The following PRR12 variants were observed in gnomAD, a reference collection of about 807,000 sequenced individuals.
PRR12 encodes the protein proline rich 12.
Under a neutral mutation model 138.0 loss-of-function variants are expected in PRR12, and 12 were observed. The ratio of observed to expected loss-of-function variants is 0.09; its 90% confidence interval spans 0.06 to 0.14. PRR12 has a LOEUF of 0.14. Among genes scored for constraint, PRR12 ranks in the 10% least tolerant of loss-of-function variants. PRR12 has a pLI of 1.00. For missense variants in PRR12, 2,692 were observed against 2,861.3 expected (o/e 0.94, Z 1.35); for synonymous variants, 1,567 against 1,291.7 (o/e 1.21, Z -4.57).
rs1281138564 is a variant in PRR12, at chr19:49,594,458, C to T, written c.204C>T (p.Leu68=). 8 of 1,603,456 alleles carry T rather than the reference C, an allele frequency of 5.0e-6. No homozygotes were observed. The highest frequency in any genetic ancestry group is 6.0e-6 in the Non-Finnish European group (7 of 1,175,514). The change falls in exon 3 of 14, where the codon CTC becomes CTT. Residue 68 remains leucine, a synonymous_variant. Coordinates refer to ENST00000418929, the MANE Select transcript of PRR12 (RefSeq NM_020719.3). The surrounding 1 kb of genome is among the most constrained non-coding windows in gnomAD (Gnocchi z 5.6). ...ATAACCCCTGTCCCCGGCCAGGCCT[C>T]TCTGGACTCTTCGACACTGGCCTCC... ...SYATNHHPAG[L]SGLFDTGLHH...
chr19:49,612,812 G>A (rs146044454), intron 6 of PRR12, among the ~76,000 whole-genome samples: 2,875 of 151,914 alleles, frequency 0.019, 90 homozygotes, highest in African/African-American at 0.066. Flanking sequence ...GTACAGGCAC[G>A]CACTACCACA....
In PRR12 at chr19:49,594,851, C is replaced by A. The variant is rs760049013; in HGVS notation, c.516C>A (p.Asp172Glu). The A allele has an allele frequency of 8.1e-6, 13 of 1,611,178 alleles. No individual in the cohort carries two copies. Among genetic ancestry groups the A allele is most frequent in the Middle Eastern group, 1.6e-4 (1 of 6,080 alleles). ...TGCCCTCGTCCCTCAGCCTCCAGGA[C>A]CCCCCATTCAGCCCTCCAGCTAACG... The part of the protein sequence containing the change: ...FPVPSSLSLQ[D>E]PPFSPPANGL... Residue 172 changes from aspartate (D) to glutamate (E), a missense_variant, in exon 4 of 14, where the codon GAC (aspartate) becomes GAA (glutamate). By Grantham distance (45) the Asp-to-Glu change is conservative (BLOSUM62 2). Around this residue, in one of 11 missense-constraint regions of PRR12, gnomAD observed 211 missense variants for 266.3 expected, o/e 0.79. Transcript: ENST00000418929. This position sits in a 1 kb window ranked among gnomAD's most constrained non-coding sequence, Gnocchi z 5.6.
intron 11 of PRR12, among the ~76,000 whole-genome samples, chr19:49,624,298 GGTGGTTA>G (rs2080942251): frequency 6.9e-6 from 1 of 145,886 alleles, no homozygotes; most frequent in African/African-American, 2.6e-5. Context: ...TTCTGGGGTA[GGTGGTTA>G]GGATGGTGCT....
At position 49,618,382 on chromosome 19, in the gene PRR12, CCTTTT is replaced by C. The variant is rs544366837; in HGVS notation, c.5498-1959_5498-1955del. ...CCCAGGAGCCATCCTCACCTCTTTT[CCTTTT>C]CTTTTCTTTTTTTTTTGAGACAGAG... On this transcript the variant is annotated intron_variant, in intron 9 of 13. Transcript: ENST00000418929. 3.5e-3 allele frequency among the ~76,000 whole-genome samples: 535 copies of C among 151,970 alleles called. 3 individuals are homozygous for C. The highest frequency in any genetic ancestry group is 0.012 in the African/African-American group (513 of 41,474).
intron 6 of PRR12, among the ~76,000 whole-genome samples, chr19:49,609,221 C>G (rs567374860): frequency 6.6e-6 from 1 of 152,228 alleles, no homozygotes; most frequent in Non-Finnish European, 1.5e-5. Flanking sequence ...AGGCTGATCA[C>G]CGGAGTTTGA....
Position 49,594,547 on chromosome 19 carries a change from G to C in PRR12, c.293G>C (p.Arg98Pro). The change falls in exon 3 of 14, where the codon CGG (arginine) becomes CCG (proline). Residue 98 changes from arginine to proline, a missense_variant. Coordinates refer to ENST00000418929, the MANE Select transcript of PRR12 (RefSeq NM_020719.3). This position sits in a 1 kb window ranked among gnomAD's most constrained non-coding sequence, Gnocchi z 5.6. ...AACCTTATCTCGGCCCTGGAATCCC[G>C]GGGCCCCCAGCCTGGCCCCTCCGCC... ...VMNLISALES[R>P]GPQPGPSASS... The C allele has an allele frequency of 6.2e-7, 1 of 1,612,396 alleles. No individual in the cohort carries two copies. Among genetic ancestry groups the C allele is most frequent in the Non-Finnish European group, 8.5e-7 (1 of 1,179,244 alleles).
chr19:49,596,236 A>C lies in PRR12; in HGVS notation c.1901A>C (p.Glu634Ala), dbSNP rs779941099. Residue 634 changes from glutamate to alanine, a missense_variant, in exon 4 of 14, where the codon GAG becomes GCG. Physicochemically the swap from Glu to Ala is moderately radical, Grantham distance 107 (BLOSUM62 -1). Coordinates refer to ENST00000418929, the MANE Select transcript of PRR12 (RefSeq NM_020719.3). The surrounding 1 kb of genome is among the most constrained non-coding windows in gnomAD (Gnocchi z 5.6). ...GCGGGCCCAGGTGGGCCTCCTGCGG[A>C]GCGCACAGAGGATGAGGAGTTCCTT... ...LLAGPGGPPAERTEDEEFLIQ... is the reference protein window; with the variant it reads ...LLAGPGGPPAARTEDEEFLIQ... 6.2e-7 allele frequency: 1 copy of C among 1,610,964 alleles called. No individual in the cohort carries two copies. Among genetic ancestry groups the C allele is most frequent in the South Asian group, 1.1e-5 (1 of 91,056 alleles).
intron 9 of PRR12, among the ~76,000 whole-genome samples, chr19:49,618,506 G>A (rs1371933771): frequency 6.6e-6 from 1 of 151,956 alleles, no homozygotes; most frequent in African/African-American, 2.4e-5. Context: ...TCCTTCTTCA[G>A]CCTCCCAAGT....
Position 49,599,804 on chromosome 19 carries a change from C to G in PRR12, c.4211C>G (p.Ala1404Gly). The G allele has an allele frequency of 6.2e-7, 1 of 1,613,614 alleles. No homozygotes were observed. Among genetic ancestry groups the G allele is most frequent in the Non-Finnish European group, 8.5e-7 (1 of 1,179,892 alleles). ...LQESISSAIS[A>G]LDDPPLAGPK... ...GAGAGCATCTCCTCCGCCATCTCTG[C>G]CCTCGATGACCCACCCCTTGCTGGG... Residue 1404 changes from alanine (A) to glycine (G), a missense_variant, in exon 5 of 14, where the codon GCC (alanine) becomes GGC (glycine). This residue lies in a region of PRR12 where 231 missense variants were observed against 200.8 expected (regional missense o/e 1.15). Coordinates refer to ENST00000418929, the MANE Select transcript of PRR12 (RefSeq NM_020719.3). This position sits in a 1 kb window ranked among gnomAD's most constrained non-coding sequence, Gnocchi z 5.0.
At chr19:49,613,378 G>T (rs2080876335) in intron 6 of PRR12, among the ~76,000 whole-genome samples, 1 of 150,862 alleles carries the variant, frequency 6.6e-6, no homozygotes, top group African/African-American at 2.4e-5. Flanking sequence ...CTAGGCTTCT[G>T]TAGTGTCCAG....
Position 49,594,567 on chromosome 19 carries a change from T to C in PRR12, c.313T>C (p.Ser105Pro). The part of the protein sequence containing the change: ...LESRGPQPGP[S>P]ASSLLSQFRS... ...ATCCCGGGGCCCCCAGCCTGGCCCC[T>C]CCGCCTCCTCTCTCCTCTCCCAGTT... Residue 105 changes from serine (S) to proline (P), a missense_variant, in exon 3 of 14, where the codon TCC (serine) becomes CCC (proline). Physicochemically the swap from Ser to Pro is moderately conservative, Grantham distance 74. Transcript: ENST00000418929. This position sits in a 1 kb window ranked among gnomAD's most constrained non-coding sequence, Gnocchi z 5.6. 1 of 1,612,842 alleles carries C rather than the reference T, an allele frequency of 6.2e-7. No homozygotes were observed. Among genetic ancestry groups the C allele is most frequent in the Non-Finnish European group, 8.5e-7 (1 of 1,179,714 alleles).
intron 6 of PRR12, among the ~76,000 whole-genome samples, chr19:49,608,612 G>A (rs558069141): frequency 1.3e-5 from 2 of 152,084 alleles, no homozygotes; most frequent in South Asian, 2.1e-4. Flanking sequence ...CTCGTGATCC[G>A]CCCGACTTAG....
chr19:49,595,669 C>G lies in PRR12; in HGVS notation c.1334C>G (p.Pro445Arg). The G allele has an allele frequency of 6.3e-7, 1 of 1,599,170 alleles. No individual in the cohort carries two copies. Among genetic ancestry groups the G allele is most frequent in the Non-Finnish European group, 8.5e-7 (1 of 1,173,682 alleles). ...AGGAGGQAYSPGQPQGLLGPQ... is the reference protein window; with the variant it reads ...AGGAGGQAYSRGQPQGLLGPQ... ...GGGGCAGGGGGCCAGGCTTATTCCC[C>G]CGGTCAGCCTCAAGGGCTTCTGGGA... Residue 445 changes from proline (P) to arginine (R), a missense_variant, in exon 4 of 14, where the codon CCC becomes CGC. By Grantham distance (103) the Pro-to-Arg change is moderately radical. Transcript: ENST00000418929.
chr19:49,593,614 C>T (rs2080744563), intron 2 of PRR12, among the ~76,000 whole-genome samples, 175 bp downstream of exon 2: 2 of 152,090 alleles, frequency 1.3e-5, no homozygotes, highest in South Asian at 2.1e-4. Context: ...TGCTTCATTT[C>T]TCGCCGGATT....
Position 49,595,764 on chromosome 19 carries a change from G to C in PRR12, c.1429G>C (p.Gly477Arg), listed in dbSNP as rs2080763344. 2 of 1,600,784 alleles carry C rather than the reference G, an allele frequency of 1.2e-6. No individual in the cohort carries two copies. Among genetic ancestry groups the C allele is most frequent in the East Asian group, 2.2e-5 (1 of 44,690 alleles). ...CTTGAGCAAAGCCCCCAGCTACTCA[G>C]GGGGCCCCCCACAGCCCCCCAGCGG... ...QDLSKAPSYS[G>R]GPPQPPSGPP... Residue 477 changes from glycine (G) to arginine (R), a missense_variant, in exon 4 of 14, where the codon GGG becomes CGG. This residue lies in a region of PRR12 where 523 missense variants were observed against 496.4 expected (regional missense o/e 1.05). Transcript: ENST00000418929.
intron 6 of PRR12, among the ~76,000 whole-genome samples, 155 bp downstream of exon 6, chr19:49,602,073 C>T (rs552020091): frequency 9.9e-5 from 15 of 152,176 alleles, no homozygotes; most frequent in Admixed American, 2.0e-4. Flanking sequence ...ATAGAGGTGT[C>T]GAGGACCTGC....
chr19:49,624,786 TG>T, intron 11 of PRR12, 57 bp from the exon 12 acceptor site: 1 of 1,577,116 alleles, frequency 6.3e-7, no homozygotes, highest in African/African-American at 1.4e-5. Flanking sequence ...ACCTGGCTGT[TG>T]GGTTTGGGGT....
At position 49,609,127 on chromosome 19, in the gene PRR12, A is replaced by G. The variant is rs1314035653; in HGVS notation, c.4774-5406A>G. ...TCAGGAGTTCAACACCAGCCTAGTC[A>G]ACATGGCGAAATCCTGTCTGTACTA... is the stretch of plus-strand genomic sequence containing the variant. On this transcript the variant is annotated intron_variant, in intron 6 of 13. Transcript: ENST00000418929. Among the ~76,000 whole-genome samples the G allele has an allele frequency of 2.6e-5, 4 of 152,152 alleles. No homozygotes were observed. In the South Asian group the frequency reaches 6.2e-4, roughly 24 times the overall value.
Position 49,597,516 on chromosome 19 carries a change from T to A in PRR12, c.3181T>A (p.Ser1061Thr), listed in dbSNP as rs2080781938. Reference protein sequence around the residue: ...PASEPKGGLTSPIFCSTKPKK... With the variant: ...PASEPKGGLTTPIFCSTKPKK... ...CTCCGAACCCAAGGGTGGCCTCACC[T>A]CGCCCATCTTCTGCTCTACCAAGCC... Residue 1061 changes from serine to threonine, a missense_variant, in exon 4 of 14, where the codon TCG becomes ACG. By Grantham distance (58) the Ser-to-Thr change is moderately conservative (BLOSUM62 1). Coordinates refer to ENST00000418929, the MANE Select transcript of PRR12 (RefSeq NM_020719.3). The surrounding 1 kb of genome is among the most constrained non-coding windows in gnomAD (Gnocchi z 6.3). 1.3e-6 allele frequency: 2 copies of A among 1,557,226 alleles called. No individual in the cohort carries two copies. Among genetic ancestry groups the A allele is most frequent in the African/African-American group, 2.7e-5 (2 of 73,068 alleles).
Sources: gnomAD v4.1 joint callset for allele counts (sites outside exome capture counted in the v4.1 genomes callset) on GRCh38, gnomAD v4.1.1 for gene constraint, gnomAD v4.1.1 regional missense constraint, Gnocchi (gnomAD v3.1) non-coding constraint, MANE v1.5 for transcripts, NCBI Gene and HGNC (gene_info 2026-07-23, HGNC 2026-07-21) for gene names.